The following BCL3 variants were observed in gnomAD, a reference collection of about 807,000 sequenced individuals.
BCL3 encodes the protein BCL3 transcription coactivator.
In BCL3, 15 loss-of-function variants were observed where a neutral mutation model predicts 35.7. That is an observed-to-expected ratio of 0.42 (90% CI 0.28 to 0.65). The LOEUF is 0.65. Among genes scored for constraint, BCL3 ranks in the 30% least tolerant of loss-of-function variants. BCL3 has a pLI of 0.22. For missense variants in BCL3, 565 were observed against 641.7 expected, an observed-to-expected ratio of 0.88 and a Z score of 1.29; for synonymous variants, 311 against 284.3, an observed-to-expected ratio of 1.09 and a Z score of -0.95.
chr19:44,758,672 G>A (rs1212461501), intron 7 of BCL3, 52 bp from the exon 8 acceptor site: 4 of 1,466,260 alleles, frequency 2.7e-6, no homozygotes, highest in Non-Finnish European at 3.7e-6. Context: ...AGGGATGGGA[G>A]AGAGGACTGT....
At chr19:44,758,914 T>A in intron 8 of BCL3, 73 bp downstream of exon 8, 1 of 1,268,378 alleles carries the variant, frequency 7.9e-7, no homozygotes, top group Non-Finnish European at 1.1e-6. Flanking sequence ...CCACAGCCCC[T>A]CCTCCCTCAG....
At chr19:44,747,897 C>G, upstream of BCL3, 1 of 1,159,814 alleles carries the variant, frequency 8.6e-7, no homozygotes. Context: ...GGGCCCCCAA[C>G]GAGTGCAGAG....
chr19:44,748,024 G>A (rs1178524979), upstream of BCL3: 1 of 1,339,892 alleles, frequency 7.5e-7, no homozygotes, highest in African/African-American at 1.5e-5. Context: ...AATCGTTCCT[G>A]GCCGCCTGCC....
Position 44,757,478 on chromosome 19 carries a change from G to GGGGGT in BCL3, c.813+63_813+64insGGGGT. The GGGGGT allele has an allele frequency of 6.7e-7, 1 of 1,481,768 alleles. No individual in the cohort carries two copies. Among genetic ancestry groups the GGGGGT allele is most frequent in the Non-Finnish European group, 9.2e-7 (1 of 1,089,166 alleles). The allele number at this position is 1,481,768 out of a possible 1,614,324, so 91.8% of individuals were successfully genotyped here. On this transcript the variant is annotated intron_variant, in intron 5 of 8. Transcript: ENST00000164227. The surrounding 1 kb of genome is among the most constrained non-coding windows in gnomAD (Gnocchi z 8.4). ...TAGCAGGGGCGGGGTCTTGGCGGGG[G>GGGGGT]CGGGGCCAGTGTGGGGCTGGCGTGG...
In BCL3 at chr19:44,751,394, C is replaced by A; in HGVS notation, c.410+14C>A. The A allele has an allele frequency of 1.3e-6, 2 of 1,557,010 alleles. No individual in the cohort carries two copies. The highest frequency in any genetic ancestry group is 8.6e-7 in the Non-Finnish European group (1 of 1,157,136). On this transcript the variant is annotated intron_variant, in intron 2 of 8. Transcript: ENST00000164227. ...GGACGGAGACACGTGAGTGACAGTCCCCTATTAAGGGGAGGGGTGGTTGGG... is the reference window on the plus strand; with the variant it reads ...GGACGGAGACACGTGAGTGACAGTCACCTATTAAGGGGAGGGGTGGTTGGG...
In BCL3 at chr19:44,748,953, G is replaced by C. The variant is rs1204771188; in HGVS notation, c.163G>C (p.Val55Leu). The C allele has an allele frequency of 2.4e-6, 3 of 1,259,938 alleles. No homozygotes were observed. Among genetic ancestry groups the C allele is most frequent in the Non-Finnish European group, 3.0e-6 (3 of 999,230 alleles). The allele number at this position is 1,259,938 out of a possible 1,614,324, so 78.0% of individuals were successfully genotyped here. The change falls in exon 1 of 9, where the codon GTC (valine) becomes CTC (leucine). Residue 55 changes from valine to leucine, a missense_variant. Val to Leu is a conservative substitution (Grantham distance 32). Around this residue, in one of 5 missense-constraint regions of BCL3, gnomAD observed 267 missense variants for 281.5 expected, o/e 0.95. Coordinates refer to ENST00000164227, the MANE Select transcript of BCL3 (RefSeq NM_005178.5). Reference sequence around the variant, plus strand: ...TCCCCGCGGCGCTGCGGGCCTTGTCGTCCCCCTGGACCCTCTGCGCGGCGG... The same window carrying C: ...TCCCCGCGGCGCTGCGGGCCTTGTCCTCCCCCTGGACCCTCTGCGCGGCGG... ...AAPRGAAGLV[V>L]PLDPLRGGCD...
In BCL3 at chr19:44,749,004, C is replaced by T. The variant is rs1445898429; in HGVS notation, c.214C>T (p.Pro72Ser). 24 of 1,381,728 alleles carry T rather than the reference C, an allele frequency of 1.7e-5. No homozygotes were observed. Among genetic ancestry groups the T allele is most frequent in the South Asian group, 6.2e-5 (4 of 64,408 alleles). 85.6% of individuals were successfully genotyped at this position (1,381,728 alleles called of 1,614,324 possible). The part of the protein sequence containing the change: ...GGCDLPAVPG[P>S]PHGLARPEAL... ...CTGCGACCTGCCGGCGGTCCCCGGG[C>T]CCCCCCACGGCCTGGCCCGGCCGGA... Residue 72 changes from proline to serine, a missense_variant, in exon 1 of 9, where the codon CCC (proline) becomes TCC (serine). Transcript: ENST00000164227.
Position 44,748,811 on chromosome 19 carries a change from G to A in BCL3, c.21G>A (p.Gly7=). 9.0e-7 allele frequency: 1 copy of A among 1,108,618 alleles called. No individual in the cohort carries two copies. Among genetic ancestry groups the A allele is most frequent in the Non-Finnish European group, 1.1e-6 (1 of 909,822 alleles). 68.7% of individuals were successfully genotyped at this position (1,108,618 alleles called of 1,614,324 possible). MPRCPA[G]AMDEGPVDLR... is the part of the protein sequence containing the mutation. ...GCCCCATGCCCCGATGCCCCGCGGG[G>A]GCCATGGACGAGGGGCCCGTGGACC... The change falls in exon 1 of 9, where the codon GGG becomes GGA. Residue 7 remains glycine, a synonymous_variant. Coordinates refer to ENST00000164227, the MANE Select transcript of BCL3 (RefSeq NM_005178.5).
chr19:44,759,513 C>G lies in BCL3; in HGVS notation c.1263C>G (p.Phe421Leu). 3 of 1,613,222 alleles carry G rather than the reference C, an allele frequency of 1.9e-6. No individual in the cohort carries two copies. Among genetic ancestry groups the G allele is most frequent in the Non-Finnish European group, 2.5e-6 (3 of 1,179,604 alleles). ...GATTCCCCATGGCTCCTCCCAATTT[C>G]TTCCTTCCTTCCCCATCTCCACCCG... ...PPGFPMAPPNFFLPSPSPPAF... is the reference protein window; with the variant it reads ...PPGFPMAPPNLFLPSPSPPAF... The change falls in exon 9 of 9, where the codon TTC (phenylalanine) becomes TTG (leucine). Residue 421 changes from phenylalanine to leucine, a missense_variant. Transcript: ENST00000164227.
intron 8 of BCL3, 76 bp downstream of exon 8, chr19:44,758,917 T>C: frequency 8.0e-7 from 1 of 1,255,068 alleles, no homozygotes; most frequent in Non-Finnish European, 1.1e-6. Flanking sequence ...CAGCCCCTCC[T>C]CCCTCAGATC....
At chr19:44,750,091 G>A (rs112511144) in intron 1 of BCL3, among the ~76,000 whole-genome samples, 120 of 152,254 alleles carry the variant, frequency 7.9e-4, no homozygotes, top group African/African-American at 2.8e-3. Context: ...GTTCTACAGA[G>A]CCCCAAAACT....
chr19:44,757,942 G>A lies in BCL3; in HGVS notation c.891+219G>A, dbSNP rs1967331134. 6.6e-6 allele frequency among the ~76,000 whole-genome samples: 1 copy of A among 152,182 alleles called. No homozygotes were observed. The highest frequency in any genetic ancestry group is 2.4e-5 in the African/African-American group (1 of 41,458). ...CCTCCTCTGCCACCTCAACGGCCTA[G>A]GCCCCGCCCTGCGATGGCCTGGCTG... On this transcript the variant is annotated intron_variant, in intron 6 of 8. Coordinates refer to ENST00000164227, the MANE Select transcript of BCL3 (RefSeq NM_005178.5). This position sits in a 1 kb window ranked among gnomAD's most constrained non-coding sequence, Gnocchi z 8.4.
chr19:44,753,603 C>A (rs1268828020), intron 2 of BCL3, among the ~76,000 whole-genome samples: 1 of 152,108 alleles, frequency 6.6e-6, no homozygotes, highest in Non-Finnish European at 1.5e-5. Context: ...CGGGCAGCGG[C>A]CCGGCCCCAG....
At chr19:44,759,247 T>C in intron 8 of BCL3, among the ~76,000 whole-genome samples, 181 bp from the exon 9 acceptor site, 1 of 97,196 alleles carries the variant, frequency 1.0e-5, no homozygotes, top group Admixed American at 1.4e-4. Context: ...GACCCAGGAG[T>C]CTAGGTCCCC....
Position 44,757,106 on chromosome 19 carries a change from C to T in BCL3, c.609C>T (p.Arg203=), listed in dbSNP as rs1967304915. 1 of 1,607,104 alleles carries T rather than the reference C, an allele frequency of 6.2e-7. No homozygotes were observed. Among genetic ancestry groups the T allele is most frequent in the East Asian group, 2.3e-5 (1 of 44,396 alleles). The change falls in exon 4 of 9, where the codon CGC becomes CGT. Residue 203 remains arginine, a synonymous_variant. Transcript: ENST00000164227. The surrounding 1 kb of genome is among the most constrained non-coding windows in gnomAD (Gnocchi z 8.4). ...GTGCCAGCCCCATGGCGCTGGACCG[C>T]CATGGCCAGACGGCCGCTCACCTGG... ...TAGASPMALD[R]HGQTAAHLAC...
In BCL3 at chr19:44,758,813, C is replaced by T. The variant is rs748826968; in HGVS notation, c.1149C>T (p.Pro383=). 19 of 1,604,156 alleles carry T rather than the reference C, an allele frequency of 1.2e-5. No individual in the cohort carries two copies. The East Asian group carries it at 3.4e-4, about 28-fold the overall frequency. ...CTGACCGGAGCGCCAACACCTCCCC[C>T]GAGAGCAGCAGCCGCCTCAGCTCCA... The part of the protein sequence containing the change: ...PSPDRSANTS[P]ESSSRLSSNG... The change falls in exon 8 of 9, where the codon CCC becomes CCT. Residue 383 remains proline (P), a synonymous_variant. Coordinates refer to ENST00000164227, the MANE Select transcript of BCL3 (RefSeq NM_005178.5).
Position 44,757,391 on chromosome 19 carries a change from G to T in BCL3, c.789G>T (p.Glu263Asp), listed in dbSNP as rs773310158. The stretch of plus-strand genomic sequence containing the variant: ...AAGAAACCGTGCAGCTCTTGCTAGA[G>T]CGCGGTGCCGACATCGACGCAGTGG... ...ECQETVQLLL[E>D]RGADIDAVDI... Residue 263 changes from glutamate (E) to aspartate (D), a missense_variant, in exon 5 of 9, where the codon GAG (glutamate) becomes GAT (aspartate). Transcript: ENST00000164227. This position sits in a 1 kb window ranked among gnomAD's most constrained non-coding sequence, Gnocchi z 8.4. 1 of 1,603,416 alleles carries T rather than the reference G, an allele frequency of 6.2e-7. No homozygotes were observed. The highest frequency in any genetic ancestry group is 8.5e-7 in the Non-Finnish European group (1 of 1,175,166).
chr19:44,748,877 G>T lies in BCL3; in HGVS notation c.87G>T (p.Ala29=). ...AGGCCGCCGGACTCCCGGGCGCCGC[G>T]CTGCCGCTCCGCAAGCGCCCGCTGC... ...RPKAAGLPGA[A]LPLRKRPLRA... Residue 29 remains alanine, a synonymous_variant, in exon 1 of 9, where the codon GCG becomes GCT. Transcript: ENST00000164227. 9.0e-7 allele frequency: 1 copy of T among 1,112,240 alleles called. No individual in the cohort carries two copies. The highest frequency in any genetic ancestry group is 5.2e-5 in the East Asian group (1 of 19,146). The allele number at this position is 1,112,240 out of a possible 1,614,324, so 68.9% of individuals were successfully genotyped here. A position where few individuals can be genotyped will look rare whatever the true frequency, so the allele number is the denominator to read the frequency against.
Position 44,751,251 on chromosome 19 carries a change from C to G in BCL3, c.281C>G (p.Thr94Ser). 6.2e-7 allele frequency: 1 copy of G among 1,611,362 alleles called. No individual in the cohort carries two copies. Among genetic ancestry groups the G allele is most frequent in the Non-Finnish European group, 8.5e-7 (1 of 1,178,866 alleles). Residue 94 changes from threonine (T) to serine (S), a missense_variant, in exon 2 of 9, where the codon ACT becomes AGT. Around this residue, in one of 5 missense-constraint regions of BCL3, gnomAD observed 267 missense variants for 281.5 expected, o/e 0.95. Coordinates refer to ENST00000164227, the MANE Select transcript of BCL3 (RefSeq NM_005178.5). ...YPGALLPLYP[T>S]RAMGSPFPLV... ...GGAGCCTTACTGCCTTTGTACCCCA[C>G]TCGGGCCATGGGCTCCCCGTTTCCT...
Sources: gnomAD v4.1 joint callset for allele counts (sites outside exome capture counted in the v4.1 genomes callset) on GRCh38, gnomAD v4.1.1 for gene constraint, gnomAD v4.1.1 regional missense constraint, Gnocchi (gnomAD v3.1) non-coding constraint, MANE v1.5 for transcripts, NCBI Gene and HGNC (gene_info 2026-07-23, HGNC 2026-07-21) for gene names.